The following OR5F1 variants were observed in gnomAD, a reference collection of about 807,000 sequenced individuals.
The protein encoded by OR5F1 is olfactory receptor 5F1.
For missense variants in OR5F1, 429 were observed against 369.9 expected, an observed-to-expected ratio of 1.16 and a Z score of -1.31; for synonymous variants, 185 against 153.2, an observed-to-expected ratio of 1.21 and a Z score of -1.53.
rs1284311119 is a variant in OR5F1, at chr11:55,994,496, C to A, written c.130G>T (p.Gly44Trp). 8.1e-6 allele frequency: 13 copies of A among 1,613,188 alleles called. No homozygotes were observed. The highest frequency in any genetic ancestry group is 1.1e-5 in the Non-Finnish European group (13 of 1,179,750). Residue 44 changes from glycine (G) to tryptophan (W), a missense_variant, in exon 1 of 1, where the codon GGG becomes TGG. Transcript: ENST00000278409. ...TCGATCCTGATTAAGAGGATCATCC[C>A]GAGATTTCCCAGTACTGTAAGTGTA... is the stretch of plus-strand genomic sequence containing the variant. ...IYTLTVLGNL[G>W]MILLIRIDSQ...
rs372377452 is a variant in OR5F1, at chr11:55,994,343, C to A, written c.283G>T (p.Ala95Ser). Residue 95 changes from alanine to serine, a missense_variant, in exon 1 of 1, where the codon GCT becomes TCT. Physicochemically the swap from Ala to Ser is moderately conservative, Grantham distance 99. Transcript: ENST00000278409. ...AAGTACATCTGTAGGAAGCAGCCAG[C>A]AAAAGAGATGGTTTTCTTCTCTGAT... ...LLSEKKTISF[A>S]GCFLQMYFFI... The A allele has an allele frequency of 1.1e-4, 183 of 1,613,798 alleles. No individual in the cohort carries two copies. Among genetic ancestry groups the A allele is most frequent in the Non-Finnish European group, 1.5e-4 (174 of 1,179,986 alleles).
rs1175849850 is a variant in OR5F1 at position 55,994,228 on chromosome 11, G to A, written c.398C>T (p.Ser133Phe). 13 of 1,613,922 alleles carry A rather than the reference G, an allele frequency of 8.1e-6. No individual in the cohort carries two copies. The highest frequency in any genetic ancestry group is 1.7e-4 in the Middle Eastern group (1 of 6,048). Residue 133 changes from serine (S) to phenylalanine (F), a missense_variant, in exon 1 of 1, where the codon TCC (serine) becomes TTC (phenylalanine). By Grantham distance (155) the Ser-to-Phe change is radical. Transcript: ENST00000278409. ...GTAGACGGTCCTGGACATGATCAAG[G>A]AGTAAAGCAGCGGGCGACATATGGC... ...YAAICRPLLY[S>F]LIMSRTVYLK...
In OR5F1 at chr11:55,994,412, A is replaced by T. The variant is rs1215674012; in HGVS notation, c.214T>A (p.Cys72Ser). The change falls in exon 1 of 1, where the codon TGT becomes AGT. Residue 72 changes from cysteine (C) to serine (S), a missense_variant. Coordinates refer to ENST00000278409, the MANE Select transcript of OR5F1 (RefSeq NM_003697.1). ...TTTGGGGTGATGGTAGTTGAGTTACAAACGTCCACAAAGGACAGGTTAGCC... is the reference window on the plus strand; with the variant it reads ...TTTGGGGTGATGGTAGTTGAGTTACTAACGTCCACAAAGGACAGGTTAGCC... Reference protein sequence around the residue: ...FLANLSFVDVCNSTTITPKML... With the variant: ...FLANLSFVDVSNSTTITPKML... 8 of 1,613,764 alleles carry T rather than the reference A, an allele frequency of 5.0e-6. No homozygotes were observed. The highest frequency in any genetic ancestry group is 1.1e-5 in the South Asian group (1 of 91,088).
chr11:55,994,250 T>C lies in OR5F1; in HGVS notation c.376A>G (p.Ile126Val), dbSNP rs1407147813. ...AAGGAGTAAAGCAGCGGGCGACATA[T>C]GGCCGCATACCTGTCATAGGCCATT... Reference protein sequence around the residue: ...GLMAYDRYAAICRPLLYSLIM... With the variant: ...GLMAYDRYAAVCRPLLYSLIM... The change falls in exon 1 of 1, where the codon ATA becomes GTA. Residue 126 changes from isoleucine (I) to valine (V), a missense_variant. Physicochemically the swap from Ile to Val is conservative, Grantham distance 29 (BLOSUM62 3). Coordinates refer to ENST00000278409, the MANE Select transcript of OR5F1 (RefSeq NM_003697.1). The C allele has an allele frequency of 3.7e-6, 6 of 1,613,920 alleles. No homozygotes were observed. Among genetic ancestry groups the C allele is most frequent in the East Asian group, 4.5e-5 (2 of 44,860 alleles).
At position 55,994,122 on chromosome 11, in the gene OR5F1, G is replaced by A. The variant is rs1208676850; in HGVS notation, c.504C>T (p.Phe168=). ...AGTGATGGATGACATTGGAGTCACA[G>A]AATGACAAGCTGCTGACATGGCTTG... is the stretch of plus-strand genomic sequence containing the variant. ...VNTSHVSSLS[F]CDSNVIHHFF... Residue 168 remains phenylalanine (F), a synonymous_variant, in exon 1 of 1, where the codon TTC becomes TTT. Coordinates refer to ENST00000278409, the MANE Select transcript of OR5F1 (RefSeq NM_003697.1). The A allele has an allele frequency of 2.5e-6, 4 of 1,614,062 alleles. No individual in the cohort carries two copies. In the Admixed American group the frequency reaches 5.0e-5, roughly 20 times the overall value.
rs753851995 is a variant in OR5F1, at chr11:55,993,815, C to G, written c.811G>C (p.Asp271His). 7.4e-6 allele frequency: 12 copies of G among 1,613,598 alleles called. No homozygotes were observed. The highest frequency in any genetic ancestry group is 1.0e-5 in the Non-Finnish European group (12 of 1,179,840). The change falls in exon 1 of 1, where the codon GAC (aspartate) becomes CAC (histidine). Residue 271 changes from aspartate (D) to histidine (H), a missense_variant. By Grantham distance (81) the Asp-to-His change is moderately conservative (BLOSUM62 -1). Transcript: ENST00000278409. ...RPSSSYSLNQ[D>H]KVASVFYTVV... Reference sequence around the variant, plus strand: ...GTGTAGAACACAGAAGCCACTTTGTCCTGATTCAGGGAGTAGCTGGAACTA... The same window carrying G: ...GTGTAGAACACAGAAGCCACTTTGTGCTGATTCAGGGAGTAGCTGGAACTA...
Position 55,993,775 on chromosome 11 carries a change from A to G in OR5F1, c.851T>C (p.Met284Thr), listed in dbSNP as rs66470326. Reference protein sequence around the residue: ...ASVFYTVVIPMLNPLIYSLRS... With the variant: ...ASVFYTVVIPTLNPLIYSLRS... Reference sequence around the variant, plus strand: ...GAGGCTGTAGATCAGAGGATTCAACATGGGAATCACCACTGTGTAGAACAC... The same window carrying G: ...GAGGCTGTAGATCAGAGGATTCAACGTGGGAATCACCACTGTGTAGAACAC... The change falls in exon 1 of 1, where the codon ATG becomes ACG. Residue 284 changes from methionine (M) to threonine (T), a missense_variant. Coordinates refer to ENST00000278409, the MANE Select transcript of OR5F1 (RefSeq NM_003697.1). 0.029 allele frequency: 46,195 copies of G among 1,612,124 alleles called. 734 individuals are homozygous for G. The highest frequency in any genetic ancestry group is 0.033 in the Non-Finnish European group (39,236 of 1,178,398).
rs200555184 is a variant in OR5F1, at chr11:55,994,260, C to G, written c.366G>C (p.Arg122Ser). The change falls in exon 1 of 1, where the codon AGG becomes AGC. Residue 122 changes from arginine to serine, a missense_variant. By Grantham distance (110) the Arg-to-Ser change is moderately radical (BLOSUM62 -1). Coordinates refer to ENST00000278409, the MANE Select transcript of OR5F1 (RefSeq NM_003697.1). The stretch of plus-strand genomic sequence containing the variant: ...GCAGCGGGCGACATATGGCCGCATA[C>G]CTGTCATAGGCCATTAACCCAAAGA... ...CILFGLMAYD[R>S]YAAICRPLLY... The G allele has an allele frequency of 1.9e-6, 3 of 1,613,512 alleles. No individual in the cohort carries two copies. The highest frequency in any genetic ancestry group is 2.5e-6 in the Non-Finnish European group (3 of 1,179,720).
rs376239660 is a variant in OR5F1 at position 55,994,214 on chromosome 11, T to C, written c.412A>G (p.Arg138Gly). The change falls in exon 1 of 1, where the codon AGG (arginine) becomes GGG (glycine). Residue 138 changes from arginine to glycine, a missense_variant. Arg to Gly is a moderately radical substitution (Grantham distance 125). Coordinates refer to ENST00000278409, the MANE Select transcript of OR5F1 (RefSeq NM_003697.1). ...RPLLYSLIMSRTVYLKMAAGA... is the reference protein window; with the variant it reads ...RPLLYSLIMSGTVYLKMAAGA... ...GCTGCCATTTTTAGGTAGACGGTCC[T>C]GGACATGATCAAGGAGTAAAGCAGC... 3.7e-6 allele frequency: 6 copies of C among 1,613,806 alleles called. No individual in the cohort carries two copies. In the African/African-American group the frequency reaches 8.0e-5, roughly 22 times the overall value.
Position 55,994,160 on chromosome 11 carries a change from A to C in OR5F1, c.466T>G (p.Phe156Val), listed in dbSNP as rs1464533146. 2 of 1,613,972 alleles carry C rather than the reference A, an allele frequency of 1.2e-6. No individual in the cohort carries two copies. Among genetic ancestry groups the C allele is most frequent in the Non-Finnish European group, 1.7e-6 (2 of 1,179,976 alleles). Residue 156 changes from phenylalanine to valine, a missense_variant, in exon 1 of 1, where the codon TTC becomes GTC. Phe to Val is a conservative substitution (Grantham distance 50, BLOSUM62 -1). Transcript: ENST00000278409. ...AGAFAAGLLN[F>V]MVNTSHVSSL... ...CTGACATGGCTTGTGTTGACCATGA[A>C]GTTCAGCAACCCTGCAGCAAAAGCC...
chr11:55,994,392 G>A lies in OR5F1; in HGVS notation c.234C>T (p.Thr78=). The A allele has an allele frequency of 6.2e-7, 1 of 1,613,812 alleles. No homozygotes were observed. ...FVDVCNSTTI[T]PKMLADLLSE... ...ATAATAAATCTGCCAGCATCTTTGG[G>A]GTGATGGTAGTTGAGTTACAAACGT... The change falls in exon 1 of 1, where the codon ACC becomes ACT. Residue 78 remains threonine (T), a synonymous_variant. Coordinates refer to ENST00000278409, the MANE Select transcript of OR5F1 (RefSeq NM_003697.1).
Position 55,994,602 on chromosome 11 carries a change from T to A in OR5F1, c.24A>T (p.Ser8=). The A allele has an allele frequency of 6.5e-7, 1 of 1,546,742 alleles. No homozygotes were observed. The highest frequency in any genetic ancestry group is 8.7e-7 in the Non-Finnish European group (1 of 1,145,312). MTRKNYT[S]LTEFVLLGLA... ...ATCCCAATAGGACGAACTCAGTCAG[T>A]GAGGTATAATTTTTTCTGGTCATTT... is the stretch of plus-strand genomic sequence containing the variant. Residue 8 remains serine (S), a synonymous_variant, in exon 1 of 1, where the codon TCA becomes TCT. Coordinates refer to ENST00000278409, the MANE Select transcript of OR5F1 (RefSeq NM_003697.1).
Position 55,994,284 on chromosome 11 carries a change from G to A in OR5F1, c.342C>T (p.Leu114=), listed in dbSNP as rs370999102. 8.7e-6 allele frequency: 14 copies of A among 1,613,870 alleles called. No homozygotes were observed. The highest frequency in any genetic ancestry group is 4.0e-5 in the African/African-American group (3 of 74,830). Residue 114 remains leucine, a synonymous_variant, in exon 1 of 1, where the codon CTC becomes CTT. Coordinates refer to ENST00000278409, the MANE Select transcript of OR5F1 (RefSeq NM_003697.1). ...ACCTGTCATAGGCCATTAACCCAAAGAGGATGCATTCGGTTGTCGCCAGGG... is the reference window on the plus strand; with the variant it reads ...ACCTGTCATAGGCCATTAACCCAAAAAGGATGCATTCGGTTGTCGCCAGGG... The part of the protein sequence containing the change: ...FISLATTECI[L]FGLMAYDRYA...
chr11:55,994,351 A>G lies in OR5F1; in HGVS notation c.275T>C (p.Ile92Thr). Residue 92 changes from isoleucine (I) to threonine (T), a missense_variant, in exon 1 of 1, where the codon ATC becomes ACC. Transcript: ENST00000278409. ...CTGTAGGAAGCAGCCAGCAAAAGAG[A>G]TGGTTTTCTTCTCTGATAATAAATC... ...LADLLSEKKT[I>T]SFAGCFLQMY... 3 of 1,613,938 alleles carry G rather than the reference A, an allele frequency of 1.9e-6. No homozygotes were observed. In the South Asian group the frequency reaches 3.3e-5, roughly 18 times the overall value.
rs775506968 is a variant in OR5F1 at position 55,993,696 on chromosome 11, G to A, written c.930C>T (p.Thr310=). 5.1e-6 allele frequency: 8 copies of A among 1,560,884 alleles called. No homozygotes were observed. In the East Asian group the frequency reaches 9.0e-5, roughly 18 times the overall value. The part of the protein sequence containing the change: ...ALANVISRKR[T]SSFL ...AGCCAAACAATCACAGAAAGGAAGA[G>A]GTCCTTTTCCTGCTAATTACATTCG... The change falls in exon 1 of 1, where the codon ACC becomes ACT. Residue 310 remains threonine (T), a synonymous_variant. Coordinates refer to ENST00000278409, the MANE Select transcript of OR5F1 (RefSeq NM_003697.1).
rs146676493 is a variant in OR5F1, at chr11:55,994,251, G to A, written c.375C>T (p.Ala125=). 48 of 1,613,804 alleles carry A rather than the reference G, an allele frequency of 3.0e-5. No individual in the cohort carries two copies. The highest frequency in any genetic ancestry group is 3.8e-5 in the Non-Finnish European group (45 of 1,179,966). ...FGLMAYDRYA[A]ICRPLLYSLI... is the part of the protein sequence containing the mutation. ...AGGAGTAAAGCAGCGGGCGACATAT[G>A]GCCGCATACCTGTCATAGGCCATTA... The change falls in exon 1 of 1, where the codon GCC becomes GCT. Residue 125 remains alanine (A), a synonymous_variant. Coordinates refer to ENST00000278409, the MANE Select transcript of OR5F1 (RefSeq NM_003697.1).
Position 55,993,981 on chromosome 11 carries a change from G to C in OR5F1, c.645C>G (p.Leu215=), listed in dbSNP as rs1350255373. The stretch of plus-strand genomic sequence containing the variant: ...AGAAGAGAACGTAGGAGTAGGAGGA[G>C]AGGATGACAAGCAGAGTCCCCACAA... ...VNIVGTLLVI[L]SSYSYVLFSI... is the part of the protein sequence containing the mutation. Residue 215 remains leucine (L), a synonymous_variant, in exon 1 of 1, where the codon CTC becomes CTG. Coordinates refer to ENST00000278409, the MANE Select transcript of OR5F1 (RefSeq NM_003697.1). 4 of 1,613,892 alleles carry C rather than the reference G, an allele frequency of 2.5e-6. No individual in the cohort carries two copies. In the African/African-American group the frequency reaches 5.3e-5, roughly 22 times the overall value.
Position 55,994,307 on chromosome 11 carries a change from G to A in OR5F1, c.319C>T (p.Leu107=), listed in dbSNP as rs780714469. The change falls in exon 1 of 1, where the codon CTG becomes TTG. Residue 107 remains leucine, a synonymous_variant. Coordinates refer to ENST00000278409, the MANE Select transcript of OR5F1 (RefSeq NM_003697.1). ...CFLQMYFFIS[L]ATTECILFGL... The stretch of plus-strand genomic sequence containing the variant: ...AAGAGGATGCATTCGGTTGTCGCCA[G>A]GGAGATAAAGAAGTACATCTGTAGG... 2.5e-6 allele frequency: 4 copies of A among 1,613,976 alleles called. No individual in the cohort carries two copies. The South Asian group carries it at 3.3e-5, about 13-fold the overall frequency.
rs545503086 is a variant in OR5F1, at chr11:55,994,416, G to A, written c.210C>T (p.Asp70=). ...YFFLANLSFV[D]VCNSTTITPK... ...GGGTGATGGTAGTTGAGTTACAAACGTCCACAAAGGACAGGTTAGCCAGGA... is the reference window on the plus strand; with the variant it reads ...GGGTGATGGTAGTTGAGTTACAAACATCCACAAAGGACAGGTTAGCCAGGA... The change falls in exon 1 of 1, where the codon GAC becomes GAT. Residue 70 remains aspartate (D), a synonymous_variant. Transcript: ENST00000278409. The A allele has an allele frequency of 1.2e-6, 2 of 1,613,724 alleles. No individual in the cohort carries two copies. Among genetic ancestry groups the A allele is most frequent in the African/African-American group, 1.3e-5 (1 of 74,886 alleles).
Sources: allele counts gnomAD v4.1 joint callset, GRCh38; gene constraint gnomAD v4.1.1; transcripts MANE v1.5; gene names NCBI Gene and HGNC (gene_info 2026-07-23, HGNC 2026-07-21).